Variants in NETO1 observed in about 807,000 individuals in gnomAD.
The protein encoded by NETO1 is neuropilin and tolloid-like protein 1.
NETO1 carries 26 observed loss-of-function variants against 61.3 expected under a neutral mutation model. The observed-to-expected ratio is 0.42, with a 90% CI of 0.31 to 0.59. NETO1 has a LOEUF of 0.59. NETO1 is among the 20% of genes least tolerant of loss of function. The pLI, the probability that NETO1 is intolerant of heterozygous loss-of-function variation, is 0.12. For missense variants in NETO1, 531 were observed against 662.8 expected (o/e 0.80, Z 2.18); for synonymous variants, 225 against 225.8 (o/e 1.00, Z 0.03).
At chr18:72,776,725 C>A (rs2071560569) in intron 7 of NETO1, among the ~76,000 whole-genome samples, 1 of 152,122 alleles carries the variant, frequency 6.6e-6, no homozygotes, top group African/African-American at 2.4e-5. Flanking sequence ...GGTCTAAACT[C>A]CTAACATCAT....
chr18:72,847,171 A>G (rs2074114406), intron 4 of NETO1, among the ~76,000 whole-genome samples: 1 of 152,236 alleles, frequency 6.6e-6, no homozygotes, highest in Non-Finnish European at 1.5e-5. Flanking sequence ...GAGAAGTGAC[A>G]TATTTATGAC....
At chr18:72,781,991 C>T (rs903908873) in intron 7 of NETO1, among the ~76,000 whole-genome samples, 3 of 152,070 alleles carry the variant, frequency 2.0e-5, no homozygotes, top group Non-Finnish European at 2.9e-5. Context: ...TGGTCCTCAC[C>T]CTTTTCCCAA....
intron 9 of NETO1, 144 bp from the exon 10 acceptor site, chr18:72,749,232 T>A (rs747810454): frequency 7.0e-6 from 4 of 573,578 alleles, no homozygotes; most frequent in South Asian, 2.4e-5. Flanking sequence ...TCAAATCAAC[T>A]GAAGTATTTT....
intron 7 of NETO1, among the ~76,000 whole-genome samples, chr18:72,767,857 A>G (rs890296692): frequency 6.6e-6 from 1 of 152,214 alleles, no homozygotes; most frequent in Non-Finnish European, 1.5e-5. Flanking sequence ...ACTGTATTTG[A>G]AAGTGTTAAC....
intron 4 of NETO1, among the ~76,000 whole-genome samples, chr18:72,852,960 G>T (rs2074299060): frequency 6.6e-6 from 1 of 150,874 alleles, no homozygotes; most frequent in African/African-American, 2.4e-5. Context: ...AGTCTCCCGA[G>T]TAGCTGGGAT....
At chr18:72,835,562 C>T (rs1354868138) in intron 4 of NETO1, among the ~76,000 whole-genome samples, 1 of 152,144 alleles carries the variant, frequency 6.6e-6, no homozygotes, top group Non-Finnish European at 1.5e-5. Context: ...GAAAGCCTTT[C>T]TGAAGGATGT....
At chr18:72,749,957 T>C (rs904068984) in intron 9 of NETO1, 105 bp downstream of exon 9, 9 of 880,874 alleles carry the variant, frequency 1.0e-5, no homozygotes, top group Admixed American at 8.0e-5. Context: ...TTTAAATCAT[T>C]AATTAAAGGG....
At chr18:72,790,699 C>T (rs1050032850) in intron 6 of NETO1, among the ~76,000 whole-genome samples, 9 of 151,982 alleles carry the variant, frequency 5.9e-5, no homozygotes, top group African/African-American at 2.2e-4. Context: ...TCAAATAAAC[C>T]GCAGTACTTA....
At position 72,816,252 on chromosome 18, in the gene NETO1, A is replaced by G. The variant is rs147709503; in HGVS notation, c.470-21848T>C. ...AGCTGTAAAATACTTTGTTACAGCT[A>G]CACAAAGGTGTAAAAAAGAAGCATT... On this transcript the variant is annotated intron_variant, in intron 4 of 10. Transcript: ENST00000327305. 2.8e-3 allele frequency among the ~76,000 whole-genome samples: 421 copies of G among 152,308 alleles called. 1 individual carries two copies. The highest frequency in any genetic ancestry group is 5.8e-3 in the Admixed American group (89 of 15,306).
chr18:72,858,801 AT>A lies in NETO1; in HGVS notation c.469+24del, dbSNP rs545653234. ...ATAGAAAAATGAGGAAGAAAAAGAA[AT>A]TTTTTTTTTAAGTACTTACTTACCA... is the stretch of plus-strand genomic sequence containing the variant. On this transcript the variant is annotated intron_variant, in intron 4 of 10. Coordinates refer to ENST00000327305, the MANE Select transcript of NETO1 (RefSeq NM_138966.5). The A allele has an allele frequency of 4.6e-3, 6,936 of 1,501,194 alleles. 37 individuals carry two copies. Among genetic ancestry groups the A allele is most frequent in the South Asian group, 0.012 (993 of 79,630 alleles). 93.0% of individuals were successfully genotyped at this position (1,501,194 alleles called of 1,614,324 possible).
In NETO1 at chr18:72,824,661, T is replaced by G. The variant is rs527279590; in HGVS notation, c.470-30257A>C. Among the ~76,000 whole-genome samples the G allele has an allele frequency of 2.5e-4, 38 of 150,918 alleles. No homozygotes were observed. The South Asian group carries it at 7.5e-3, about 30-fold the overall frequency. ...GGGCAGATCACCTAAGGTCAGGAGTTCAGAAACAGCCTGGCCAACATGGCG... is the reference window on the plus strand; with the variant it reads ...GGGCAGATCACCTAAGGTCAGGAGTGCAGAAACAGCCTGGCCAACATGGCG... On this transcript the variant is annotated intron_variant, in intron 4 of 10. Transcript: ENST00000327305.
At chr18:72,754,555 CA>C (rs1322487325) in intron 8 of NETO1, among the ~76,000 whole-genome samples, 1 of 152,020 alleles carries the variant, frequency 6.6e-6, no homozygotes, top group Non-Finnish European at 1.5e-5. Context: ...AAATATAACT[CA>C]AGACAAAAAA....
intron 4 of NETO1, among the ~76,000 whole-genome samples, chr18:72,844,521 C>G (rs910567570): frequency 3.9e-5 from 6 of 152,214 alleles, no homozygotes; most frequent in African/African-American, 1.4e-4. Context: ...AGACTTCAGT[C>G]TTACCTAACC....
At chr18:72,848,627 G>C (rs2074159794) in intron 4 of NETO1, among the ~76,000 whole-genome samples, 1 of 152,112 alleles carries the variant, frequency 6.6e-6, no homozygotes, top group South Asian at 2.1e-4. Context: ...AAATACAGTT[G>C]ACAAATTCCA....
intron 3 of NETO1, among the ~76,000 whole-genome samples, chr18:72,860,871 A>G (rs2074550979): frequency 6.6e-6 from 1 of 152,212 alleles, no homozygotes; most frequent in African/African-American, 2.4e-5. Flanking sequence ...AGTACTAAGT[A>G]TAGCGCTTGC....
chr18:72,814,166 T>C (rs1223334864), intron 4 of NETO1, among the ~76,000 whole-genome samples: 2 of 151,952 alleles, frequency 1.3e-5, no homozygotes, highest in Non-Finnish European at 2.9e-5. Context: ...CAATTTTAGA[T>C]GCAAAAAGGA....
chr18:72,820,259 T>C (rs1363608770), intron 4 of NETO1, among the ~76,000 whole-genome samples: 1 of 152,198 alleles, frequency 6.6e-6, no homozygotes, highest in Admixed American at 6.5e-5. Context: ...ACAATAAACG[T>C]ATGCAGATAA....
At chr18:72,775,724 T>C (rs1341970960) in intron 7 of NETO1, among the ~76,000 whole-genome samples, 2 of 152,210 alleles carry the variant, frequency 1.3e-5, no homozygotes, top group Admixed American at 6.5e-5. Flanking sequence ...TCAAAAGTAG[T>C]AAAGATATTC....
chr18:72,826,747 G>A lies in NETO1; in HGVS notation c.469+32079C>T, dbSNP rs185701692. Among the ~76,000 whole-genome samples, 841 of 152,212 alleles carry A rather than the reference G, an allele frequency of 5.5e-3. 4 individuals carry two copies. The highest frequency in any genetic ancestry group is 0.034 in the Middle Eastern group (10 of 294). On this transcript the variant is annotated intron_variant, in intron 4 of 10. Transcript: ENST00000327305. Reference sequence around the variant, plus strand: ...GGCATGAAGAGACAACAGAAGCCTAGGGTGAGTGTTCCCCCACAACTCAGG... The same window carrying A: ...GGCATGAAGAGACAACAGAAGCCTAAGGTGAGTGTTCCCCCACAACTCAGG...
Sources: allele counts gnomAD v4.1 joint callset (sites outside exome capture counted in the v4.1 genomes callset), GRCh38; gene constraint gnomAD v4.1.1; transcripts MANE v1.5; gene names NCBI Gene and HGNC (gene_info 2026-07-23, HGNC 2026-07-21).